PARN: variants seen among roughly 807,000 people sequenced by gnomAD.
PARN encodes poly(A)-specific ribonuclease, also known as poly(A)-specific ribonuclease PARN.
PARN carries 71 observed loss-of-function variants against 102.8 expected under a neutral mutation model. The observed-to-expected ratio is 0.69, with a 90% CI of 0.57 to 0.84. The LOEUF is 0.84. Ranked by LOEUF, PARN falls within the 40% of genes least tolerant of loss-of-function variation. The pLI is 0.00. For missense variants in PARN, 782 were observed against 760.9 expected, an observed-to-expected ratio of 1.03 and a Z score of -0.33; for synonymous variants, 261 against 252.9, an observed-to-expected ratio of 1.03 and a Z score of -0.30.
intron 6 of PARN, among the ~76,000 whole-genome samples, chr16:14,616,240 G>C (rs1406505647): frequency 2.6e-5 from 4 of 152,158 alleles, no homozygotes; most frequent in Admixed American, 2.0e-4. Context: ...CAGTAGTCAT[G>C]CACCCATTTA....
chr16:14,497,815 G>A (rs1302106063), intron 21 of PARN, among the ~76,000 whole-genome samples: 3 of 152,046 alleles, frequency 2.0e-5, no homozygotes, highest in Non-Finnish European at 4.4e-5. Flanking sequence ...GTTTTGAAGT[G>A]GTTTTCATCT....
intron 6 of PARN, among the ~76,000 whole-genome samples, chr16:14,613,131 G>T (rs1971621291): frequency 6.6e-6 from 1 of 151,228 alleles, no homozygotes; most frequent in Admixed American, 6.6e-5. Context: ...CCAACATGGA[G>T]AAACCCTGTC....
intron 22 of PARN, among the ~76,000 whole-genome samples, chr16:14,466,707 T>C (rs886268183): frequency 2.0e-5 from 3 of 152,240 alleles, no homozygotes; most frequent in African/African-American, 4.8e-5. Context: ...TACTGTGGTA[T>C]TACTACATTC....
chr16:14,512,471 C>G (rs72787643), intron 21 of PARN, among the ~76,000 whole-genome samples: 3 of 152,032 alleles, frequency 2.0e-5, no homozygotes, highest in Non-Finnish European at 4.4e-5. Flanking sequence ...TCAGCCTGGG[C>G]AACAGAGTGA....
chr16:14,627,813 C>T (rs912126454), intron 3 of PARN, among the ~76,000 whole-genome samples: 1 of 152,078 alleles, frequency 6.6e-6, no homozygotes. Flanking sequence ...CAAAGTGAGA[C>T]CGATCTCTAC....
At chr16:14,584,147 C>T (rs973241573) in intron 16 of PARN, among the ~76,000 whole-genome samples, 200 bp downstream of exon 16, 1 of 152,132 alleles carries the variant, frequency 6.6e-6, no homozygotes, top group African/African-American at 2.4e-5. Context: ...TACCCAACTC[C>T]ATTAACATAA....
Position 14,482,694 on chromosome 16 carries a change from C to T in PARN, c.1614G>A (p.Arg538=). 1.2e-6 allele frequency: 2 copies of T among 1,613,894 alleles called. No homozygotes were observed. Among genetic ancestry groups the T allele is most frequent in the South Asian group, 1.1e-5 (1 of 91,070 alleles). ...TGTAGGGTATGCACTGGGGGTTTAA[C>T]CGTTTGCTGTCAGCCTCCTTCCAGC... ...EDSWKEADSK[R]LNPQCIPYTL... is the part of the protein sequence containing the mutation. Residue 538 remains arginine, a synonymous_variant, in exon 22 of 24, where the codon CGG becomes CGA. Transcript: ENST00000437198.
intron 22 of PARN, among the ~76,000 whole-genome samples, chr16:14,459,127 C>G (rs1961833851): frequency 6.6e-6 from 1 of 152,178 alleles, no homozygotes; most frequent in Non-Finnish European, 1.5e-5. Context: ...GATGTCAGCT[C>G]TCACAACTTC....
chr16:14,585,413 G>C (rs903781170), intron 14 of PARN, among the ~76,000 whole-genome samples: 2 of 148,178 alleles, frequency 1.3e-5, no homozygotes, highest in Non-Finnish European at 3.0e-5. Context: ...GTGGGTAACA[G>C]GACAGAAATA....
chr16:14,604,203 G>T lies in PARN; in HGVS notation c.726C>A (p.Ser242Arg). Residue 242 changes from serine (S) to arginine (R), a missense_variant, in exon 11 of 24, where the codon AGC becomes AGA. Transcript: ENST00000437198. Reference sequence around the variant, plus strand: ...TTTTGCGTTCTTCTTCATCTACTTTGCTGATAACTATATATCGCTCCTTCT... The same window carrying T: ...TTTTGCGTTCTTCTTCATCTACTTTTCTGATAACTATATATCGCTCCTTCT... ...TEKKERYIVI[S>R]KVDEEERKRR... is the part of the protein sequence containing the mutation. The T allele has an allele frequency of 6.3e-7, 1 of 1,595,528 alleles. No homozygotes were observed. The highest frequency in any genetic ancestry group is 8.6e-7 in the Non-Finnish European group (1 of 1,168,060).
intron 14 of PARN, among the ~76,000 whole-genome samples, chr16:14,585,556 A>T (rs896087971): frequency 6.6e-6 from 1 of 152,162 alleles, no homozygotes; most frequent in Non-Finnish European, 1.5e-5. Flanking sequence ...CATATGACCT[A>T]TCAGAACAAG....
chr16:14,559,409 GT>G (rs536099461), intron 18 of PARN, among the ~76,000 whole-genome samples: 25,962 of 142,872 alleles, frequency 0.18, 2,684 homozygotes, highest in Middle Eastern at 0.28. Context: ...CAAAAGATTT[GT>G]TTTTTTTTTT....
chr16:14,573,033 C>T (rs1968903720), intron 18 of PARN, among the ~76,000 whole-genome samples: 3 of 151,956 alleles, frequency 2.0e-5, no homozygotes, highest in South Asian at 4.2e-4. Flanking sequence ...GGACTACAGG[C>T]ATGTGCCACC....
chr16:14,440,144 C>A (rs1294353385), intron 23 of PARN, among the ~76,000 whole-genome samples: 1 of 152,052 alleles, frequency 6.6e-6, no homozygotes, highest in Non-Finnish European at 1.5e-5. Flanking sequence ...ATAAAGAACT[C>A]TCAAAATGCA....
chr16:14,584,259 G>T (rs1395096103), intron 16 of PARN, 88 bp downstream of exon 16: 15 of 880,382 alleles, frequency 1.7e-5, no homozygotes, highest in Admixed American at 1.4e-4. Flanking sequence ...GAACAATACG[G>T]TCTCCAGAGC....
intron 1 of PARN, 51 bp downstream of exon 1, chr16:14,630,056 C>A: frequency 6.6e-7 from 1 of 1,512,138 alleles, no homozygotes; most frequent in South Asian, 1.2e-5. Flanking sequence ...GCCTAGCAGG[C>A]CAGGGGCAGC....
intron 22 of PARN, among the ~76,000 whole-genome samples, chr16:14,455,041 C>G (rs1961618850): frequency 6.6e-6 from 1 of 152,084 alleles, no homozygotes. Context: ...ACAGTAGCAC[C>G]AAATGAATGC....
intron 21 of PARN, among the ~76,000 whole-genome samples, chr16:14,487,167 A>T (rs1340089256): frequency 6.6e-6 from 1 of 152,244 alleles, no homozygotes; most frequent in Non-Finnish European, 1.5e-5. Flanking sequence ...TAATCTTCGG[A>T]TGTTCTAGTC....
chr16:14,458,270 G>A (rs1961781250), intron 22 of PARN, among the ~76,000 whole-genome samples: 1 of 151,988 alleles, frequency 6.6e-6, no homozygotes, highest in African/African-American at 2.4e-5. Context: ...CAGAGGCTAG[G>A]ATCAAATTTA....
Sources: gnomAD v4.1 joint callset for allele counts (sites outside exome capture counted in the v4.1 genomes callset) on GRCh38, gnomAD v4.1.1 for gene constraint, MANE v1.5 for transcripts, NCBI Gene and HGNC (gene_info 2026-07-23, HGNC 2026-07-21) for gene names.